The following ATG4C variants were observed in gnomAD, a reference collection of about 807,000 sequenced individuals.
ATG4C encodes the protein autophagy related 4C cysteine peptidase, also known as cysteine protease ATG4C.
Under a neutral mutation model 57.6 loss-of-function variants are expected in ATG4C, and 56 were observed. The observed-to-expected ratio is 0.97, with a 90% confidence interval of 0.78 to 1.21. The LOEUF is 1.21. ATG4C is among the 50% of genes most tolerant of loss of function. The pLI is 0.00. For missense variants in ATG4C, 595 were observed against 529.8 expected, an observed-to-expected ratio of 1.12 and a Z score of -1.21; for synonymous variants, 157 against 174.1, an observed-to-expected ratio of 0.90 and a Z score of 0.78.
chr1:62,807,674 T>G (rs770553494), intron 3 of ATG4C, among the ~76,000 whole-genome samples: 31 of 152,346 alleles, frequency 2.0e-4, no homozygotes, highest in Non-Finnish European at 4.0e-4. Flanking sequence ...GAGCAGAAGC[T>G]CCTGTGCTTG....
chr1:62,788,005 C>T (rs1028372965), intron 1 of ATG4C, among the ~76,000 whole-genome samples: 1 of 152,062 alleles, frequency 6.6e-6, no homozygotes, highest in African/African-American at 2.4e-5. Flanking sequence ...AATAGTTTTG[C>T]TTATTCACTA....
chr1:62,845,434 G>A (rs1431811275), intron 10 of ATG4C, among the ~76,000 whole-genome samples: 2 of 151,176 alleles, frequency 1.3e-5, no homozygotes, highest in African/African-American at 2.4e-5. Context: ...TTTTTTATAG[G>A]GCTATTTGAT....
At chr1:62,813,448 C>T (rs1665158339) in intron 3 of ATG4C, among the ~76,000 whole-genome samples, 1 of 152,122 alleles carries the variant, frequency 6.6e-6, no homozygotes. Flanking sequence ...CAAAAATTAA[C>T]TCAAGGTGGA....
intron 10 of ATG4C, among the ~76,000 whole-genome samples, chr1:62,848,245 G>A (rs1427266168): frequency 2.0e-5 from 3 of 152,044 alleles, no homozygotes; most frequent in African/African-American, 4.8e-5. Flanking sequence ...AACTTTAAAT[G>A]TTCCTCTATC....
intron 9 of ATG4C, among the ~76,000 whole-genome samples, chr1:62,837,917 A>G (rs1666045448): frequency 6.6e-6 from 1 of 152,122 alleles, no homozygotes; most frequent in African/African-American, 2.4e-5. Flanking sequence ...TAGCCACTCA[A>G]GTAGTTGGGA....
intron 1 of ATG4C, among the ~76,000 whole-genome samples, chr1:62,795,300 A>T (rs1410806605): frequency 6.6e-6 from 1 of 152,164 alleles, no homozygotes; most frequent in African/African-American, 2.4e-5. Context: ...CTTTACATTT[A>T]TCAGTTTACA....
At chr1:62,832,238 A>G (rs1006335363) in intron 7 of ATG4C, among the ~76,000 whole-genome samples, 4 of 151,952 alleles carry the variant, frequency 2.6e-5, no homozygotes, top group African/African-American at 9.7e-5. Context: ...ATCATTTCAG[A>G]AAAAACTTCA....
At chr1:62,813,875 C>T (rs1310621542) in intron 3 of ATG4C, among the ~76,000 whole-genome samples, 1 of 152,076 alleles carries the variant, frequency 6.6e-6, no homozygotes, top group African/African-American at 2.4e-5. Flanking sequence ...TAGAGAAATG[C>T]AATCAAAACC....
intron 1 of ATG4C, among the ~76,000 whole-genome samples, chr1:62,792,856 AG>A (rs1216120892): frequency 6.6e-6 from 1 of 151,192 alleles, no homozygotes; most frequent in East Asian, 1.9e-4. Context: ...AGTCTGAACC[AG>A]AGAGCAGATC....
chr1:62,834,903 A>C (rs768435602), intron 9 of ATG4C, 51 bp downstream of exon 9: 1 of 1,456,630 alleles, frequency 6.9e-7, no homozygotes, highest in South Asian at 1.2e-5. Flanking sequence ...GAAGTAAACT[A>C]ATTATTTAGA....
chr1:62,861,498 G>A (rs1319600150), intron 10 of ATG4C, among the ~76,000 whole-genome samples: 2 of 151,820 alleles, frequency 1.3e-5, no homozygotes, highest in African/African-American at 4.8e-5. Context: ...TGAGCCGTGA[G>A]CCGTGATCAT....
intron 1 of ATG4C, among the ~76,000 whole-genome samples, chr1:62,792,948 G>A (rs528599336): frequency 1.3e-5 from 2 of 151,178 alleles, no homozygotes; most frequent in South Asian, 4.2e-4. Flanking sequence ...GTGCAGTGGC[G>A]CGATGTCGGC....
intron 6 of ATG4C, among the ~76,000 whole-genome samples, chr1:62,827,776 C>T (rs987342788): frequency 1.3e-5 from 2 of 149,046 alleles, no homozygotes; most frequent in African/African-American, 5.0e-5. Flanking sequence ...GCCTGGTACC[C>T]AGTAGTTATT....
chr1:62,805,058 T>A (rs1664811128), intron 2 of ATG4C, 114 bp from the exon 3 acceptor site: 1 of 1,377,816 alleles, frequency 7.3e-7, no homozygotes, highest in African/African-American at 1.5e-5. Flanking sequence ...AAAATGCACA[T>A]CCATAAATAA....
intron 3 of ATG4C, among the ~76,000 whole-genome samples, chr1:62,809,031 T>C (rs1204118035): frequency 2.6e-5 from 4 of 152,100 alleles, no homozygotes; most frequent in Non-Finnish European, 5.9e-5. Flanking sequence ...CTCCCTGGGC[T>C]CAAATGATCT....
At chr1:62,863,952 TTGCA>T (rs779079498) in intron 10 of ATG4C, 36 bp from the exon 11 acceptor site, 200 of 1,422,986 alleles carry the variant, frequency 1.4e-4, no homozygotes, top group Admixed American at 2.5e-4. Context: ...GTGTGCACTA[TTGCA>T]TCCAATAAGG....
At chr1:62,788,460 CCT>C (rs897132038) in intron 1 of ATG4C, among the ~76,000 whole-genome samples, 1 of 148,734 alleles carries the variant, frequency 6.7e-6, no homozygotes, top group Non-Finnish European at 1.5e-5. Flanking sequence ...CACACACACA[CCT>C]TTTTTTCTTG....
At position 62,816,608 on chromosome 1, in the gene ATG4C, G is replaced by A. The variant is rs746860716; in HGVS notation, c.194G>A (p.Cys65Tyr). 6.2e-7 allele frequency: 1 copy of A among 1,613,540 alleles called. No homozygotes were observed. The highest frequency in any genetic ancestry group is 1.1e-5 in the South Asian group (1 of 91,010). ...AAAACGTTACCTGCAGAGTCGGGAT[G>A]TACAATAGAGGATCACGTAATTGCA... ...EDKTLPAESG[C>Y]TIEDHVIAGN... is the part of the protein sequence containing the mutation. The change falls in exon 4 of 11, where the codon TGT (cysteine) becomes TAT (tyrosine). Residue 65 changes from cysteine to tyrosine, a missense_variant. By Grantham distance (194) the Cys-to-Tyr change is radical (BLOSUM62 -2). Transcript: ENST00000317868.
chr1:62,805,110 A>G (rs1557963793), intron 2 of ATG4C, 62 bp from the exon 3 acceptor site: 1 of 1,471,218 alleles, frequency 6.8e-7, no homozygotes, highest in African/African-American at 1.5e-5. Flanking sequence ...ACGCTGCTAG[A>G]CTTTTAGTCT....
Sources: allele counts gnomAD v4.1 joint callset (sites outside exome capture counted in the v4.1 genomes callset), GRCh38; gene constraint gnomAD v4.1.1; transcripts MANE v1.5; gene names NCBI Gene and HGNC (gene_info 2026-07-23, HGNC 2026-07-21).